SRGAP2B: variants seen among roughly 807,000 people sequenced by gnomAD.
SRGAP2B encodes the protein SLIT-ROBO Rho GTPase activating protein 2B.
In SRGAP2B, 9 loss-of-function variants were observed where a neutral mutation model predicts 22.2. The observed-to-expected ratio is 0.41, with a 90% CI of 0.24 to 0.71. The LOEUF (loss-of-function observed/expected upper bound fraction) is 0.71. Among genes scored for constraint, SRGAP2B ranks in the 30% least tolerant of loss-of-function variants. SRGAP2B has a pLI of 0.35. For missense variants in SRGAP2B, 114 were observed against 235.8 expected, an observed-to-expected ratio of 0.48 and a Z score of 3.38; for synonymous variants, 36 against 87.4, an observed-to-expected ratio of 0.41 and a Z score of 3.28.
At chr1:144,985,050 C>T (rs1553615694) in intron 3 of SRGAP2B, among the ~76,000 whole-genome samples, 2 of 130,148 alleles carry the variant, frequency 1.5e-5, no homozygotes, top group Non-Finnish European at 3.2e-5. Context: ...AATCTCATTT[C>T]CTTACTGAAG....
intron 3 of SRGAP2B, among the ~76,000 whole-genome samples, chr1:144,975,497 AGTT>A (rs1478699019): frequency 1.4e-5 from 2 of 146,452 alleles, no homozygotes; most frequent in Non-Finnish European, 3.0e-5. Context: ...TGAGAGAGTG[AGTT>A]GTTGTAAAGC....
intron 2 of SRGAP2B, among the ~76,000 whole-genome samples, chr1:145,063,620 G>A (rs1571119021): frequency 6.6e-6 from 1 of 150,786 alleles, no homozygotes; most frequent in Non-Finnish European, 1.5e-5. Flanking sequence ...AAAAACACAG[G>A]AAATAACCAC....
intron 2 of SRGAP2B, among the ~76,000 whole-genome samples, chr1:145,008,899 C>T (rs142328210): frequency 0.038 from 5,651 of 149,386 alleles, 638 homozygotes; most frequent in African/African-American, 0.13. Flanking sequence ...CAGCTGGGCG[C>T]GGTGGCTCAC....
At chr1:145,023,116 G>C (rs1189843416) in intron 2 of SRGAP2B, among the ~76,000 whole-genome samples, 5 of 147,144 alleles carry the variant, frequency 3.4e-5, no homozygotes, top group Admixed American at 3.4e-4. Context: ...GCAGTGAGCA[G>C]AGATCGCGCC....
At chr1:144,960,093 T>C (rs1667557360) in intron 3 of SRGAP2B, among the ~76,000 whole-genome samples, 1 of 76,272 alleles carries the variant, frequency 1.3e-5, no homozygotes, top group East Asian at 3.5e-4. Flanking sequence ...AGATTGAAAT[T>C]TGTCTTTATA....
chr1:145,068,234 C>G (rs1420022724), intron 2 of SRGAP2B, among the ~76,000 whole-genome samples: 1 of 145,604 alleles, frequency 6.9e-6, no homozygotes, highest in African/African-American at 2.6e-5. Context: ...AAAACAAATA[C>G]AGCTCCATGA....
intron 3 of SRGAP2B, among the ~76,000 whole-genome samples, chr1:144,966,935 A>G (rs1478260756): frequency 5.5e-5 from 8 of 144,488 alleles, no homozygotes; most frequent in Non-Finnish European, 8.9e-5. Flanking sequence ...CAACAAGAGG[A>G]GCTAACTATC....
At chr1:144,944,974 G>A (rs1468603142) in intron 4 of SRGAP2B, among the ~76,000 whole-genome samples, 2 of 144,560 alleles carry the variant, frequency 1.4e-5, no homozygotes, top group Admixed American at 1.4e-4. Flanking sequence ...TGGCCAGGCT[G>A]GTCTCAAACT....
chr1:144,921,252 T>C (rs1664230152), intron 4 of SRGAP2B, among the ~76,000 whole-genome samples: 1 of 77,422 alleles, frequency 1.3e-5, no homozygotes, highest in Non-Finnish European at 2.1e-5. Flanking sequence ...GCAAGCTAGA[T>C]ATTGAATCTA....
intron 3 of SRGAP2B, among the ~76,000 whole-genome samples, chr1:144,958,206 A>T (rs1553610704): frequency 6.6e-6 from 1 of 151,498 alleles, no homozygotes; most frequent in Non-Finnish European, 1.5e-5. Flanking sequence ...GAAGCAGAGG[A>T]GGCAAAATCA....
intron 2 of SRGAP2B, among the ~76,000 whole-genome samples, chr1:145,007,512 C>T (rs1553621316): frequency 6.6e-6 from 1 of 150,606 alleles, no homozygotes; most frequent in Non-Finnish European, 1.5e-5. Flanking sequence ...AAGGCAATAG[C>T]AGGAAAAAGT....
intron 3 of SRGAP2B, among the ~76,000 whole-genome samples, chr1:144,967,632 A>C: frequency 1.6e-5 from 2 of 124,772 alleles, no homozygotes; most frequent in South Asian, 5.7e-4. Flanking sequence ...GGCAAGAAAT[A>C]ACTAAAATCA....
At chr1:145,092,303 A>AAGGTGGCAATGGACTTT (rs1654066199) in intron 2 of SRGAP2B, among the ~76,000 whole-genome samples, 1 of 70,088 alleles carries the variant, frequency 1.4e-5, no homozygotes, top group Non-Finnish European at 2.8e-5. Context: ...AGGTACACCC[A>AAGGTGGCAATGGACTTT]AGGTGGCAAT....
rs1424932885 is a variant in SRGAP2B, at chr1:144,997,557, T to A, written c.68-2357A>T. ...GGCTGTCAGGTCCCTCTGAGTCCCCTGTAATGCACTTAAGAATTTACCTCA... is the reference window on the plus strand; with the variant it reads ...GGCTGTCAGGTCCCTCTGAGTCCCCAGTAATGCACTTAAGAATTTACCTCA... On this transcript the variant is annotated intron_variant, in intron 2 of 9. Coordinates refer to ENST00000612199, the Ensembl canonical transcript of SRGAP2B. Among the ~76,000 whole-genome samples the A allele has an allele frequency of 2.7e-4, 41 of 150,118 alleles. 1 individual carries two copies. The highest frequency in any genetic ancestry group is 4.4e-4 in the Non-Finnish European group (30 of 67,866).
In SRGAP2B at chr1:144,954,761, G is replaced by A. The variant is rs1436394984; in HGVS notation, c.423+678C>T. Among the ~76,000 whole-genome samples, 3 of 150,268 alleles carry A rather than the reference G, an allele frequency of 2.0e-5. 1 individual carries two copies. Among genetic ancestry groups the A allele is most frequent in the Non-Finnish European group, 4.4e-5 (3 of 67,914 alleles). Reference sequence around the variant, plus strand: ...TCATGATTATTTTGAGTTTTCCTTTGTCAAATTGTTCAACCTATACCCAAG... The same window carrying A: ...TCATGATTATTTTGAGTTTTCCTTTATCAAATTGTTCAACCTATACCCAAG... On this transcript the variant is annotated intron_variant, in intron 4 of 9. Coordinates refer to ENST00000612199, the Ensembl canonical transcript of SRGAP2B.
At position 144,956,069 on chromosome 1, in the gene SRGAP2B, G is replaced by A. The variant is rs1392114917; in HGVS notation, c.261-468C>T. Among the ~76,000 whole-genome samples, 2 of 149,576 alleles carry A rather than the reference G, an allele frequency of 1.3e-5. 1 individual carries two copies. The highest frequency in any genetic ancestry group is 5.1e-5 in the African/African-American group (2 of 39,494). On this transcript the variant is annotated intron_variant, in intron 3 of 9. Coordinates refer to ENST00000612199, the Ensembl canonical transcript of SRGAP2B. The stretch of plus-strand genomic sequence containing the variant: ...TAGAACAACAGTTCTGCATTGTCTG[G>A]CTAGACCAGGTCTAAGGTGATTCTG...
chr1:144,965,945 A>G (rs1668052735), intron 3 of SRGAP2B, among the ~76,000 whole-genome samples: 1 of 150,738 alleles, frequency 6.6e-6, no homozygotes, highest in African/African-American at 2.5e-5. Context: ...AGAGAAAAAA[A>G]GAATAAAAAG....
intron 3 of SRGAP2B, among the ~76,000 whole-genome samples, chr1:144,972,918 G>A (rs1463660954): frequency 3.0e-5 from 4 of 134,026 alleles, no homozygotes; most frequent in Non-Finnish European, 6.2e-5. Flanking sequence ...ACCAGCTTGG[G>A]CAACACGGTA....
chr1:144,930,906 G>T (rs1367670839), intron 4 of SRGAP2B, among the ~76,000 whole-genome samples: 2 of 148,950 alleles, frequency 1.3e-5, no homozygotes, highest in African/African-American at 5.1e-5. Context: ...CTATGAGTAG[G>T]TCTTCCATCG....
Sources: gnomAD v4.1 joint callset for allele counts (sites outside exome capture counted in the v4.1 genomes callset) on GRCh38, gnomAD v4.1.1 for gene constraint, MANE v1.5 for transcripts, NCBI Gene and HGNC (gene_info 2026-07-23, HGNC 2026-07-21) for gene names.